Variants in ST6GAL1 observed in about 807,000 individuals in gnomAD.
The protein encoded by ST6GAL1 is ST6 beta-galactoside alpha-2,6-sialyltransferase 1.
ST6GAL1 carries 20 observed loss-of-function variants against 38.0 expected under a neutral mutation model. The ratio of observed to expected loss-of-function variants is 0.53; its 90% CI spans 0.37 to 0.77. ST6GAL1 has a LOEUF of 0.77. ST6GAL1 is among the 30% of genes least tolerant of loss of function. ST6GAL1 has a pLI of 0.00. For missense variants in ST6GAL1, 432 were observed against 496.4 expected (o/e 0.87, Z 1.23); for synonymous variants, 196 against 188.2 (o/e 1.04, Z -0.34).
At chr3:187,019,155 G>T (rs973198882) in intron 2 of ST6GAL1, among the ~76,000 whole-genome samples, 6 of 152,166 alleles carry the variant, frequency 3.9e-5, no homozygotes, top group Non-Finnish European at 8.8e-5. Flanking sequence ...CGTGTCGGGG[G>T]AAACAAAATA....
intron 3 of ST6GAL1, among the ~76,000 whole-genome samples, chr3:187,040,721 C>T (rs971543812): frequency 2.0e-5 from 3 of 152,186 alleles, no homozygotes; most frequent in Non-Finnish European, 2.9e-5. Context: ...TGGGTGTCTG[C>T]GGAAATTGAA....
intron 5 of ST6GAL1, among the ~76,000 whole-genome samples, chr3:187,054,277 T>A (rs896190782): frequency 6.6e-6 from 1 of 152,184 alleles, no homozygotes; most frequent in Non-Finnish European, 1.5e-5. Context: ...TTTTCCTAAT[T>A]GAATACCCTT....
chr3:186,984,745 TCCCTCCCTCCCTCCC>T (rs1715818674), intron 2 of ST6GAL1, among the ~76,000 whole-genome samples: 101 of 33,742 alleles, frequency 3.0e-3, no homozygotes, highest in Non-Finnish European at 4.7e-3. Flanking sequence ...CTTCCTTCCC[TCCCTCCCTCCCTCCC>T]TCCCTCCTTC....
chr3:187,002,727 G>A (rs182687386), intron 2 of ST6GAL1, among the ~76,000 whole-genome samples: 49 of 152,280 alleles, frequency 3.2e-4, no homozygotes, highest in African/African-American at 1.1e-3. Flanking sequence ...AAAGGGTTCT[G>A]AAATGTCCCT....
At chr3:187,062,056 G>A (rs1718933841) in intron 5 of ST6GAL1, among the ~76,000 whole-genome samples, 2 of 152,086 alleles carry the variant, frequency 1.3e-5, no homozygotes, top group East Asian at 1.9e-4. Flanking sequence ...TTTAAAAATA[G>A]GCAAAGGACT....
At chr3:186,968,186 T>G (rs17374212) in intron 2 of ST6GAL1, among the ~76,000 whole-genome samples, 9,078 of 152,292 alleles carry the variant, frequency 0.06, 412 homozygotes, top group Non-Finnish European at 0.085. Context: ...GGTCTGAGCC[T>G]GACCTGACCA....
intron 1 of ST6GAL1, among the ~76,000 whole-genome samples, chr3:186,944,656 G>A (rs1363893049): frequency 6.6e-6 from 1 of 152,216 alleles, no homozygotes; most frequent in African/African-American, 2.4e-5. Flanking sequence ...AACAGAATCT[G>A]TTGAAAATGA....
chr3:186,992,726 G>T (rs147598161), intron 2 of ST6GAL1, among the ~76,000 whole-genome samples: 3,587 of 152,204 alleles, frequency 0.024, 126 homozygotes, highest in East Asian at 0.15. Context: ...AACCTGGGAG[G>T]CAGAGGTTGC....
At chr3:187,012,147 G>A (rs1020298931) in intron 2 of ST6GAL1, among the ~76,000 whole-genome samples, 2 of 152,208 alleles carry the variant, frequency 1.3e-5, no homozygotes, top group Non-Finnish European at 2.9e-5. Context: ...CTTTCAGAAG[G>A]TTGAGAGCAG....
At chr3:186,967,608 A>G (rs1243648450) in intron 2 of ST6GAL1, among the ~76,000 whole-genome samples, 1 of 152,214 alleles carries the variant, frequency 6.6e-6, no homozygotes, top group Non-Finnish European at 1.5e-5. Context: ...GGGAGGAGGC[A>G]GAGTGGCAGA....
intron 2 of ST6GAL1, 95 bp from the exon 3 acceptor site, chr3:187,038,647 A>G (rs1025048795): frequency 2.0e-5 from 3 of 152,132 alleles, no homozygotes; most frequent in African/African-American, 7.2e-5. Flanking sequence ...AGGTCTGCAT[A>G]AGCACCTTTC....
At chr3:187,018,728 A>G (rs1405034192) in intron 2 of ST6GAL1, among the ~76,000 whole-genome samples, 1 of 152,140 alleles carries the variant, frequency 6.6e-6, no homozygotes, top group Non-Finnish European at 1.5e-5. Flanking sequence ...CCTCACAGAC[A>G]CGCCCAGGAT....
intron 2 of ST6GAL1, among the ~76,000 whole-genome samples, chr3:187,024,370 G>A (rs1456639839): frequency 6.6e-6 from 1 of 151,142 alleles, no homozygotes; most frequent in East Asian, 1.9e-4. Context: ...TGGGATTACA[G>A]GCATGAGCCA....
At chr3:186,976,352 A>C (rs1220566745) in intron 2 of ST6GAL1, among the ~76,000 whole-genome samples, 1 of 152,210 alleles carries the variant, frequency 6.6e-6, no homozygotes, top group Admixed American at 6.5e-5. Flanking sequence ...TTGTAGCTGA[A>C]GATTGAAGTC....
intron 1 of ST6GAL1, among the ~76,000 whole-genome samples, chr3:186,936,109 C>T (rs1352115170): frequency 2.6e-5 from 4 of 152,138 alleles, no homozygotes. Flanking sequence ...TTTTGGCTCT[C>T]CCTTAGAAAT....
intron 2 of ST6GAL1, among the ~76,000 whole-genome samples, chr3:187,032,575 A>C (rs1717791695): frequency 1.3e-5 from 2 of 152,200 alleles, no homozygotes; most frequent in Admixed American, 1.3e-4. Flanking sequence ...AAGGTTGACA[A>C]GATTCCTATT....
At chr3:187,015,576 G>A (rs372976837) in intron 2 of ST6GAL1, among the ~76,000 whole-genome samples, 1 of 152,126 alleles carries the variant, frequency 6.6e-6, no homozygotes, top group Non-Finnish European at 1.5e-5. Flanking sequence ...AGCAGCTCAC[G>A]CCTGTAATCC....
intron 2 of ST6GAL1, among the ~76,000 whole-genome samples, chr3:186,988,976 T>C (rs1262359313): frequency 6.6e-6 from 1 of 152,154 alleles, no homozygotes; most frequent in Non-Finnish European, 1.5e-5. Context: ...CTAGTGCACC[T>C]GATTTCAACT....
chr3:186,940,771 T>C (rs1213586644), intron 1 of ST6GAL1, among the ~76,000 whole-genome samples: 3 of 138,414 alleles, frequency 2.2e-5, no homozygotes, highest in African/African-American at 8.2e-5. Context: ...TTGGAGGTCT[T>C]CCCATGTCAG....
Sources: gnomAD v4.1 joint callset for allele counts (sites outside exome capture counted in the v4.1 genomes callset) on GRCh38, gnomAD v4.1.1 for gene constraint, MANE v1.5 for transcripts, NCBI Gene and HGNC (gene_info 2026-07-23, HGNC 2026-07-21) for gene names.